ACRBP: variants seen among roughly 807,000 people sequenced by gnomAD.
ACRBP encodes acrosin binding protein, also known as acrosin-binding protein.
Under a neutral mutation model 69.0 loss-of-function variants are expected in ACRBP, and 52 were observed. That is an observed-to-expected ratio of 0.75 (90% CI 0.60 to 0.95). ACRBP has a LOEUF of 0.95. Ranked by LOEUF, ACRBP falls within the 40% of genes least tolerant of loss-of-function variation. The probability of loss-of-function intolerance (pLI) is 0.00; values close to 1 mark genes in which losing one functional copy is unlikely to be tolerated. For missense variants in ACRBP, 604 were observed against 673.0 expected (o/e 0.90, Z 1.13); for synonymous variants, 267 against 258.9 (o/e 1.03, Z -0.30).
At chr12:6,645,657 G>GTTTTT (rs1453217673) in intron 3 of ACRBP, among the ~76,000 whole-genome samples, 5 of 25,968 alleles carry the variant, frequency 1.9e-4, no homozygotes, top group African/African-American at 4.4e-4. Context: ...TTTTGGGTTT[G>GTTTTT]TTTTTTTTGT....
intron 2 of ACRBP, 63 bp downstream of exon 2, chr12:6,646,731 T>C: frequency 1.3e-6 from 2 of 1,594,104 alleles, no homozygotes; most frequent in Non-Finnish European, 1.7e-6. Flanking sequence ...CACAGGGGTT[T>C]TTGCCCTGAG....
chr12:6,644,240 T>A lies in ACRBP; in HGVS notation c.841A>T (p.Ile281Leu). 1.2e-6 allele frequency: 2 copies of A among 1,614,130 alleles called. No individual in the cohort carries two copies. Among genetic ancestry groups the A allele is most frequent in the Non-Finnish European group, 1.7e-6 (2 of 1,180,000 alleles). Reference protein sequence around the residue: ...RVREVESTPMIMENIQELIRS... With the variant: ...RVREVESTPMLMENIQELIRS... ...ATGAGCTCCTGGATGTTCTCCATTATCATAGGAGTAGACTCTACTTCTCGT... is the reference window on the plus strand; with the variant it reads ...ATGAGCTCCTGGATGTTCTCCATTAACATAGGAGTAGACTCTACTTCTCGT... The change falls in exon 5 of 10, where the codon ATA becomes TTA. Residue 281 changes from isoleucine to leucine, a missense_variant. Ile to Leu is a conservative substitution (Grantham distance 5). Around this residue, in one of 3 missense-constraint regions of ACRBP, gnomAD observed 532 missense variants for 562.9 expected, o/e 0.95. Coordinates refer to ENST00000229243, the MANE Select transcript of ACRBP (RefSeq NM_032489.3).
intron 4 of ACRBP, 138 bp from the exon 5 acceptor site, chr12:6,644,743 A>C (rs1470836704): frequency 1.5e-6 from 2 of 1,350,150 alleles, no homozygotes; most frequent in Admixed American, 2.9e-5. Context: ...AGAAAAGAAC[A>C]TAAGTATTAA....
chr12:6,638,909 T>G (rs777988588), intron 9 of ACRBP, 45 bp downstream of exon 9: 2 of 1,603,166 alleles, frequency 1.2e-6, no homozygotes, highest in African/African-American at 2.7e-5. Context: ...TGGTGACTGA[T>G]TGAGGGGGTG....
chr12:6,645,345 A>T lies in ACRBP; in HGVS notation c.358-8T>A, dbSNP rs779394139. On this transcript the variant is annotated splice_region_variant and splice_polypyrimidine_tract_variant and intron_variant, in intron 3 of 9. Transcript: ENST00000229243. Reference sequence around the variant, plus strand: ...CTGGGAACACAGGACTCTCTGCAGGAAGAGAAGGAAAATGGGAAAGCCTTT... The same window carrying T: ...CTGGGAACACAGGACTCTCTGCAGGTAGAGAAGGAAAATGGGAAAGCCTTT... 4 of 1,603,888 alleles carry T rather than the reference A, an allele frequency of 2.5e-6. No homozygotes were observed. The South Asian group carries it at 4.4e-5, about 18-fold the overall frequency.
In ACRBP at chr12:6,644,327, A is replaced by C; in HGVS notation, c.754T>G (p.Ser252Ala). 1.2e-6 allele frequency: 2 copies of C among 1,614,092 alleles called. No individual in the cohort carries two copies. The highest frequency in any genetic ancestry group is 1.7e-6 in the Non-Finnish European group (2 of 1,180,010). The part of the protein sequence containing the change: ...REAVSQLQTD[S>A]EPKFHSESLS... ...GATTCAGAGTGAAACTTGGGCTCTGAGTCTGTCTGCAGCTGAGACACAGCC... is the reference window on the plus strand; with the variant it reads ...GATTCAGAGTGAAACTTGGGCTCTGCGTCTGTCTGCAGCTGAGACACAGCC... Residue 252 changes from serine to alanine, a missense_variant, in exon 5 of 10, where the codon TCA becomes GCA. By Grantham distance (99) the Ser-to-Ala change is moderately conservative (BLOSUM62 1). Coordinates refer to ENST00000229243, the MANE Select transcript of ACRBP (RefSeq NM_032489.3).
chr12:6,644,371 C>T lies in ACRBP; in HGVS notation c.710G>A (p.Gly237Glu), dbSNP rs552836560. Reference protein sequence around the residue: ...EEEGKQEEGQGTKEGREAVSQ... With the variant: ...EEEGKQEEGQETKEGREAVSQ... ...CACAGCCTCCCGTCCCTCCTTAGTC[C>T]CCTGTCCTTCTTCCTGCTTTCCCTC... is the stretch of plus-strand genomic sequence containing the variant. Residue 237 changes from glycine (G) to glutamate (E), a missense_variant, in exon 5 of 10, where the codon GGG becomes GAG. Transcript: ENST00000229243. 78 of 1,613,742 alleles carry T rather than the reference C, an allele frequency of 4.8e-5. No individual in the cohort carries two copies. The highest frequency in any genetic ancestry group is 6.4e-5 in the Non-Finnish European group (76 of 1,179,926).
Position 6,643,653 on chromosome 12 carries a change from G to A in ACRBP, c.963C>T (p.His321=), listed in dbSNP as rs1175906379. 1.9e-6 allele frequency: 3 copies of A among 1,614,184 alleles called. No homozygotes were observed. The highest frequency in any genetic ancestry group is 2.5e-6 in the Non-Finnish European group (3 of 1,180,006). The change falls in exon 6 of 10, where the codon CAC becomes CAT. Residue 321 remains histidine (H), a synonymous_variant. Coordinates refer to ENST00000229243, the MANE Select transcript of ACRBP (RefSeq NM_032489.3). ...AGCACAGCACCAGCAAGGCCTCTGT[G>A]TGGGGCAGCTGCAGGAGGCTGCAAG... is the stretch of plus-strand genomic sequence containing the variant. The part of the protein sequence containing the change: ...QNPGSLLQLP[H]TEALLVLCYS...
intron 8 of ACRBP, among the ~76,000 whole-genome samples, chr12:6,639,672 G>A (rs1375791678): frequency 3.9e-5 from 6 of 152,364 alleles, no homozygotes; most frequent in South Asian, 2.1e-4. Context: ...TGGGAAGCCC[G>A]TCAGGCTAAG....
chr12:6,645,487 T>TG lies in ACRBP; in HGVS notation c.358-151dup. 4.8e-6 allele frequency: 3 copies of TG among 629,496 alleles called. No homozygotes were observed. The South Asian group carries it at 5.5e-5, about 12-fold the overall frequency. 39.0% of individuals were successfully genotyped at this position (629,496 alleles called of 1,614,324 possible). On this transcript the variant is annotated intron_variant, in intron 3 of 9. Coordinates refer to ENST00000229243, the MANE Select transcript of ACRBP (RefSeq NM_032489.3). ...GGTCCCTGCTGGAACCCTCTAGACC[T>TG]GAGAAAGGGTCCCTTCAGAAGATGA...
Position 6,643,660 on chromosome 12 carries a change from AGCTGCAGGAG to A in ACRBP, c.946_955del (p.Leu316CysfsTer21). The A allele has an allele frequency of 6.2e-7, 1 of 1,613,980 alleles. No individual in the cohort carries two copies. On this transcript the variant is annotated frameshift_variant and splice_region_variant, in exon 6 of 10. Transcript: ENST00000229243. LOFTEE classifies it high-confidence loss of function. ...CACCAGCAAGGCCTCTGTGTGGGGC[AGCTGCAGGAG>A]GCTGCAAGAAGACAGCACTGAGGGT...
Position 6,638,259 on chromosome 12 carries a change from G to T in ACRBP, c.*23C>A, listed in dbSNP as rs374375773. On this transcript the variant is annotated 3_prime_UTR_variant, in exon 10 of 10. Transcript: ENST00000229243. ...GAGAACGTGGGCAGGTTGGGCTGGG[G>T]TGTGGGCAGAATAGACGCCAGCTCA... 3.6e-5 allele frequency: 58 copies of T among 1,612,060 alleles called. No homozygotes were observed. The highest frequency in any genetic ancestry group is 4.4e-5 in the Non-Finnish European group (52 of 1,178,506).
intron 6 of ACRBP, among the ~76,000 whole-genome samples, chr12:6,641,385 G>A (rs1259891906): frequency 6.6e-6 from 1 of 152,118 alleles, no homozygotes; most frequent in African/African-American, 2.4e-5. Flanking sequence ...CCCACATAAC[G>A]GAGGCATCAT....
Position 6,644,394 on chromosome 12 carries a change from C to T in ACRBP, c.687G>A (p.Glu229=), listed in dbSNP as rs1167055663. Reference sequence around the variant, plus strand: ...TCCCCTGTCCTTCTTCCTGCTTTCCCTCCTCTTCCTGTTCCTCTTCTTGCT... The same window carrying T: ...TCCCCTGTCCTTCTTCCTGCTTTCCTTCCTCTTCCTGTTCCTCTTCTTGCT... ...QEEQEEEQEE[E]GKQEEGQGTK... is the part of the protein sequence containing the mutation. Residue 229 remains glutamate, a synonymous_variant, in exon 5 of 10, where the codon GAG becomes GAA. Transcript: ENST00000229243. The T allele has an allele frequency of 1.2e-6, 2 of 1,614,062 alleles. No homozygotes were observed.
chr12:6,644,142 A>G lies in ACRBP; in HGVS notation c.939T>C (p.Pro313=), dbSNP rs771007368. The G allele has an allele frequency of 1.9e-6, 3 of 1,574,042 alleles. No homozygotes were observed. Among genetic ancestry groups the G allele is most frequent in the African/African-American group, 2.7e-5 (2 of 73,730 alleles). The change falls in exon 5 of 10, where the codon CCT becomes CCC. Residue 313 remains proline (P), a synonymous_variant. Coordinates refer to ENST00000229243, the MANE Select transcript of ACRBP (RefSeq NM_032489.3). ...DENSYWRNQN[P]GSLLQLPHTE... The stretch of plus-strand genomic sequence containing the variant: ...AGAGTCAAAACTTCCTATACCTGCC[A>G]GGGTTTTGGTTTCTCCAGTAGGAGT...
At position 6,640,133 on chromosome 12, in the gene ACRBP, C is replaced by T; in HGVS notation, c.1352G>A (p.Cys451Tyr). ...CCACCCAGAGACTCGGACATCTTCA[C>T]AGCCTTTCGTGGCAAGCCGGGCACA... Reference protein sequence around the residue: ...FWCARLATKGCEDVRVSGWLQ... With the variant: ...FWCARLATKGYEDVRVSGWLQ... Residue 451 changes from cysteine (C) to tyrosine (Y), a missense_variant, in exon 8 of 10, where the codon TGT (cysteine) becomes TAT (tyrosine). Cys to Tyr is a radical substitution (Grantham distance 194). Transcript: ENST00000229243. The surrounding 1 kb of genome is among the most constrained non-coding windows in gnomAD (Gnocchi z 5.3). 1 of 1,614,240 alleles carries T rather than the reference C, an allele frequency of 6.2e-7. No homozygotes were observed. The highest frequency in any genetic ancestry group is 8.5e-7 in the Non-Finnish European group (1 of 1,180,050).
At chr12:6,638,686 C>A in intron 9 of ACRBP, 1 of 1,420,900 alleles carries the variant, frequency 7.0e-7, no homozygotes, top group South Asian at 1.5e-5. Flanking sequence ...GAGACCTCAA[C>A]GTCCAAGTCC....
chr12:6,645,441 T>C, intron 3 of ACRBP, 104 bp from the exon 4 acceptor site: 2 of 891,232 alleles, frequency 2.2e-6, no homozygotes, highest in Non-Finnish European at 3.6e-6. Context: ...TCTCAGTTTC[T>C]AGGCAGGGAT....
Position 6,646,474 on chromosome 12 carries a change from G to T in ACRBP, c.357+9C>A, listed in dbSNP as rs768961702. On this transcript the variant is annotated intron_variant, in intron 3 of 9. Transcript: ENST00000229243. ...GGGCACCAAATCCAACCTTTGTCCT[G>T]GGCCTCACCTTGGCATAGTAGACGT... 1.2e-6 allele frequency: 2 copies of T among 1,613,350 alleles called. No individual in the cohort carries two copies. Among genetic ancestry groups the T allele is most frequent in the Admixed American group, 3.3e-5 (2 of 59,998 alleles).
Sources: allele counts gnomAD v4.1 joint callset (sites outside exome capture counted in the v4.1 genomes callset), GRCh38; gene constraint gnomAD v4.1.1; regional missense constraint gnomAD v4.1.1; non-coding constraint Gnocchi (gnomAD v3.1); transcripts MANE v1.5; gene names NCBI Gene and HGNC (gene_info 2026-07-23, HGNC 2026-07-21).